Variants in RTEL1 observed in about 807,000 individuals in gnomAD.
The protein encoded by RTEL1 is regulator of telomere elongation helicase 1.
Under a neutral mutation model 162.2 loss-of-function variants are expected in RTEL1, and 86 were observed. The ratio of observed to expected loss-of-function variants is 0.53; its 90% CI spans 0.45 to 0.63. The LOEUF is 0.63. Ranked by LOEUF, RTEL1 falls within the 30% of genes least tolerant of loss-of-function variation. RTEL1 has a pLI of 0.00. For synonymous variants in RTEL1, 958 were observed against 717.9 expected, an observed-to-expected ratio of 1.33 and a Z score of -5.35; for missense variants, 1,941 against 1,750.2, an observed-to-expected ratio of 1.11 and a Z score of -1.95.
At chr20:63,672,417 C>G in intron 8 of RTEL1, 139 bp from the exon 9 acceptor site, 1 of 706,248 alleles carries the variant, frequency 1.4e-6, no homozygotes, top group Non-Finnish European at 2.5e-6. Context: ...TCATCCAGGT[C>G]TGGCCTCTGC....
intron 12 of RTEL1, among the ~76,000 whole-genome samples, 172 bp downstream of exon 12, chr20:63,678,518 TGA>T (rs1304519359): frequency 6.6e-6 from 1 of 151,804 alleles, no homozygotes; most frequent in Non-Finnish European, 1.5e-5. Context: ...GCTGAGATGT[TGA>T]GAGGAGCAGC....
rs1018005284 is a variant in RTEL1 at position 63,658,343 on chromosome 20, G to C, written c.-294G>C. The C allele has an allele frequency of 1.3e-5, 2 of 152,412 alleles. No individual in the cohort carries two copies. The highest frequency in any genetic ancestry group is 2.9e-5 in the Non-Finnish European group (2 of 68,076). The allele number at this position is 152,412 out of a possible 1,614,324, so 9.4% of individuals were successfully genotyped here. A position where few individuals can be genotyped will look rare whatever the true frequency, so the allele number is the denominator to read the frequency against. On this transcript the variant is annotated 5_prime_UTR_variant, in exon 1 of 35. Coordinates refer to ENST00000360203, the MANE Select transcript of RTEL1 (RefSeq NM_001283009.2). Reference sequence around the variant, plus strand: ...GCAGTGGGCTCAGCGCCGACTGCGCGCCTCTGCCCGCGAAAACTCTGAGCT... The same window carrying C: ...GCAGTGGGCTCAGCGCCGACTGCGCCCCTCTGCCCGCGAAAACTCTGAGCT...
intron 7 of RTEL1, among the ~76,000 whole-genome samples, chr20:63,667,026 A>G (rs2090146543): frequency 6.7e-6 from 1 of 150,342 alleles, no homozygotes; most frequent in Admixed American, 6.6e-5. Context: ...TTTTTAGTAG[A>G]GACGGGGTTT....
intron 5 of RTEL1, 27 bp from the exon 6 acceptor site, chr20:63,662,802 C>A: frequency 6.2e-7 from 1 of 1,613,302 alleles, no homozygotes; most frequent in East Asian, 2.2e-5. Flanking sequence ...CGTGCTTCAG[C>A]TGCGCACTCT....
chr20:63,686,913 C>A, intron 16 of RTEL1: 1 of 162,026 alleles, frequency 6.2e-6, no homozygotes. Flanking sequence ...GAAGCAGCCA[C>A]TCCCTGCACT....
intron 30 of RTEL1, 118 bp downstream of exon 30, chr20:63,693,401 C>A: frequency 7.7e-7 from 1 of 1,302,450 alleles, no homozygotes. Flanking sequence ...CTCTCTGTTC[C>A]CCTATGGGAG....
At chr20:63,669,530 T>A (rs567241301) in intron 8 of RTEL1, among the ~76,000 whole-genome samples, 213 of 152,316 alleles carry the variant, frequency 1.4e-3, no homozygotes, top group Admixed American at 2.5e-3. Flanking sequence ...ACTTAAAAAA[T>A]TTTTTCAGCC....
At chr20:63,692,582 C>T (rs1223128011) in intron 28 of RTEL1, 7 of 589,660 alleles carry the variant, frequency 1.2e-5, no homozygotes, top group African/African-American at 3.7e-5. Flanking sequence ...GCTCTCAGTT[C>T]CCTGCCAGCC....
In RTEL1 at chr20:63,694,430, C is replaced by G; in HGVS notation, c.3051C>G (p.Asp1017Glu). ...TVSTAAAQQL[D>E]PQEHLNQGRP... is the part of the protein sequence containing the mutation. ...CCACGGCTGCAGCCCAGCAGCTGGA[C>G]CCCCAAGAGCACCTGAACCAGGGCA... Residue 1017 changes from aspartate to glutamate, a missense_variant, in exon 31 of 35, where the codon GAC becomes GAG. Physicochemically the swap from Asp to Glu is conservative, Grantham distance 45. Transcript: ENST00000360203. 6.2e-7 allele frequency: 1 copy of G among 1,612,320 alleles called. No individual in the cohort carries two copies. Among genetic ancestry groups the G allele is most frequent in the Non-Finnish European group, 8.5e-7 (1 of 1,179,594 alleles).
intron 6 of RTEL1, chr20:63,665,444 C>G (rs1042435150): frequency 6.5e-6 from 1 of 153,038 alleles, no homozygotes; most frequent in Non-Finnish European, 1.5e-5. Flanking sequence ...GGGGCCTCTC[C>G]GCCAGTACAG....
At position 63,664,835 on chromosome 20, in the gene RTEL1, G is replaced by C. The variant is rs553725364; in HGVS notation, c.539-1169G>C. On this transcript the variant is annotated intron_variant, in intron 6 of 34. Coordinates refer to ENST00000360203, the MANE Select transcript of RTEL1 (RefSeq NM_001283009.2). ...TGGCACCCTTCCTGGCCTGCGTCCT[G>C]TGAGGACTCTGGTTGGGGACAGCAA... is the stretch of plus-strand genomic sequence containing the variant. Among the ~76,000 whole-genome samples the C allele has an allele frequency of 3.3e-5, 5 of 152,346 alleles. 2 individuals carry two copies. The South Asian group carries it at 1.0e-3, about 32-fold the overall frequency.
chr20:63,661,371 G>A lies in RTEL1; in HGVS notation c.176G>A (p.Trp59Ter). The A allele has an allele frequency of 1.2e-6, 2 of 1,613,732 alleles. No homozygotes were observed. Among genetic ancestry groups the A allele is most frequent in the Non-Finnish European group, 1.7e-6 (2 of 1,180,038 alleles). Residue 59 changes from tryptophan (W) to a stop codon, truncating the protein, a stop_gained, in exon 3 of 35, where the codon TGG (tryptophan) becomes TAG (stop). Transcript: ENST00000360203. LOFTEE classifies it high-confidence loss of function. The surrounding 1 kb of genome is among the most constrained non-coding windows in gnomAD (Gnocchi z 5.1). ...TLCLLCTTLA[W>*]REHLRDGISA... ...TGCCTGCTGTGCACCACGCTGGCCTGGCGAGAACACCTCCGAGACGGCATC... is the reference window on the plus strand; with the variant it reads ...TGCCTGCTGTGCACCACGCTGGCCTAGCGAGAACACCTCCGAGACGGCATC...
intron 14 of RTEL1, 45 bp from the exon 15 acceptor site, chr20:63,685,478 G>C: frequency 2.5e-6 from 4 of 1,593,156 alleles, no homozygotes; most frequent in Non-Finnish European, 3.4e-6. Flanking sequence ...AGAAAGTCGG[G>C]TGGCCTCAGG....
Position 63,664,651 on chromosome 20 carries a change from G to A in RTEL1, c.539-1353G>A, listed in dbSNP as rs554676948. 1.8e-3 allele frequency among the ~76,000 whole-genome samples: 270 copies of A among 152,352 alleles called. 1 individual carries two copies. Among genetic ancestry groups the A allele is most frequent in the Non-Finnish European group, 3.4e-3 (228 of 68,024 alleles). ...CGACCTGGCGGGAGGTTGCCTAGCCGTGAACCTTCGCACCCTGTCTGCCAC... is the reference window on the plus strand; with the variant it reads ...CGACCTGGCGGGAGGTTGCCTAGCCATGAACCTTCGCACCCTGTCTGCCAC... On this transcript the variant is annotated intron_variant, in intron 6 of 34. Transcript: ENST00000360203.
intron 8 of RTEL1, among the ~76,000 whole-genome samples, chr20:63,672,162 G>A (rs1243056264): frequency 1.3e-5 from 2 of 152,156 alleles, no homozygotes; most frequent in East Asian, 3.9e-4. Context: ...GATTACAGGC[G>A]TGAGCCACCG....
At chr20:63,664,260 G>T (rs2090078675) in intron 6 of RTEL1, among the ~76,000 whole-genome samples, 1 of 152,170 alleles carries the variant, frequency 6.6e-6, no homozygotes, top group African/African-American at 2.4e-5. Context: ...CATTTCCGAG[G>T]TCCTCACCTG....
intron 2 of RTEL1, among the ~76,000 whole-genome samples, chr20:63,660,948 C>G (rs2090007694): frequency 6.6e-6 from 1 of 152,244 alleles, no homozygotes; most frequent in South Asian, 2.1e-4. Flanking sequence ...TGTAGGACGT[C>G]AGATAGGACA....
rs369716125 is a variant in RTEL1, at chr20:63,693,212, G to A, written c.2921G>A (p.Arg974Gln). 97 of 1,612,010 alleles carry A rather than the reference G, an allele frequency of 6.0e-5. No individual in the cohort carries two copies. The highest frequency in any genetic ancestry group is 3.7e-4 in the African/African-American group (28 of 74,832). ...FEEVCIQLTG[R>Q]GCGYRPEHSI... ...GAGGTCTGTATCCAGCTGACAGGAC[G>A]AGGCTGTGGCTATCGGCCTGAGCAC... The change falls in exon 30 of 35, where the codon CGA (arginine) becomes CAA (glutamine). Residue 974 changes from arginine (R) to glutamine (Q), a missense_variant. By Grantham distance (43) the Arg-to-Gln change is conservative. Coordinates refer to ENST00000360203, the MANE Select transcript of RTEL1 (RefSeq NM_001283009.2).
At chr20:63,665,171 G>A (rs971975810) in intron 6 of RTEL1, 4 of 152,996 alleles carry the variant, frequency 2.6e-5, no homozygotes, top group African/African-American at 9.6e-5. Context: ...CTGCAGCTGA[G>A]TCCTGGCCCT....
Sources: allele counts gnomAD v4.1 joint callset (sites outside exome capture counted in the v4.1 genomes callset), GRCh38; gene constraint gnomAD v4.1.1; non-coding constraint Gnocchi (gnomAD v3.1); transcripts MANE v1.5; gene names NCBI Gene and HGNC (gene_info 2026-07-23, HGNC 2026-07-21).